Variants in SLC44A3 observed in about 807,000 individuals in gnomAD.
The protein encoded by SLC44A3 is choline transporter-like protein 3.
SLC44A3 carries 74 observed loss-of-function variants against 75.4 expected under a neutral mutation model. The observed-to-expected ratio is 0.98, with a 90% confidence interval of 0.81 to 1.19. The LOEUF (loss-of-function observed/expected upper bound fraction) is 1.19. SLC44A3 is among the 50% of genes most tolerant of loss of function. The probability of loss-of-function intolerance (pLI) is 0.00; values close to 1 mark genes in which losing one functional copy is unlikely to be tolerated. For synonymous variants in SLC44A3, 310 were observed against 296.9 expected, an observed-to-expected ratio of 1.04 and a Z score of -0.45; for missense variants, 700 against 778.6, an observed-to-expected ratio of 0.90 and a Z score of 1.20.
At chr1:94,822,591 G>A (rs1354899879) in intron 2 of SLC44A3, among the ~76,000 whole-genome samples, 2 of 152,242 alleles carry the variant, frequency 1.3e-5, no homozygotes, top group East Asian at 1.9e-4. Context: ...CAAAGGCTTG[G>A]GGGAAGGAGC....
chr1:94,864,940 G>A (rs773721350), intron 11 of SLC44A3, 41 bp downstream of exon 11: 2 of 1,594,696 alleles, frequency 1.3e-6, no homozygotes, highest in Admixed American at 1.7e-5. Context: ...CTGTGTTTGG[G>A]TTGCCAGAAA....
intron 5 of SLC44A3, among the ~76,000 whole-genome samples, chr1:94,835,175 C>G (rs1334823244): frequency 1.3e-5 from 2 of 152,186 alleles, no homozygotes; most frequent in Non-Finnish European, 2.9e-5. Flanking sequence ...ACAGGCCAGG[C>G]ACAGTGGCTC....
intron 2 of SLC44A3, 52 bp downstream of exon 2, chr1:94,821,108 G>C: frequency 7.0e-7 from 1 of 1,422,900 alleles, no homozygotes; most frequent in Admixed American, 2.0e-5. Context: ...TGCACGTCTG[G>C]AAATAACTCT....
At chr1:94,824,354 T>C in intron 2 of SLC44A3, 139 bp from the exon 3 acceptor site, 1 of 951,756 alleles carries the variant, frequency 1.1e-6, no homozygotes, top group Non-Finnish European at 1.5e-6. Context: ...CTGACACTGT[T>C]ACTGACGGAG....
At chr1:94,850,322 T>A (rs1665049910) in intron 9 of SLC44A3, among the ~76,000 whole-genome samples, 1 of 152,180 alleles carries the variant, frequency 6.6e-6, no homozygotes, top group African/African-American at 2.4e-5. Context: ...TAGGAAAAAG[T>A]GAAAACTGTG....
At chr1:94,891,791 C>T (rs984902348) in intron 13 of SLC44A3, among the ~76,000 whole-genome samples, 26 of 152,042 alleles carry the variant, frequency 1.7e-4, no homozygotes, top group Non-Finnish European at 2.9e-4. Context: ...GGTGTGGTGG[C>T]GGGTGCCTGT....
intron 12 of SLC44A3, among the ~76,000 whole-genome samples, chr1:94,876,310 C>G (rs778204294): frequency 6.6e-6 from 1 of 152,212 alleles, no homozygotes; most frequent in Non-Finnish European, 1.5e-5. Flanking sequence ...CATTAAATAG[C>G]TCCTACACCA....
rs201434799 is a variant in SLC44A3, at chr1:94,845,406, C to T, written c.1014C>T (p.Ala338=). The change falls in exon 9 of 15, where the codon GCC becomes GCT. Residue 338 remains alanine, a synonymous_variant. Coordinates refer to ENST00000271227, the MANE Select transcript of SLC44A3 (RefSeq NM_001114106.3). ...TGTTCCAGCCACTGTGGACATTTGC[C>T]ATCCTCATTTTCTTCTGGGTCCTCT... ...FLLFQPLWTF[A]ILIFFWVLWV... 3.1e-6 allele frequency: 5 copies of T among 1,614,060 alleles called. No individual in the cohort carries two copies. In the African/African-American group the frequency reaches 6.7e-5, roughly 22 times the overall value.
chr1:94,841,867 A>C, intron 7 of SLC44A3, 133 bp from the exon 8 acceptor site: 3 of 1,204,790 alleles, frequency 2.5e-6, no homozygotes, highest in East Asian at 2.8e-5. Context: ...GGGTCCGGGT[A>C]TTTGGGACCC....
intron 8 of SLC44A3, among the ~76,000 whole-genome samples, chr1:94,844,359 C>T (rs1428525575): frequency 1.3e-5 from 2 of 152,316 alleles, no homozygotes; most frequent in East Asian, 3.9e-4. Flanking sequence ...TGTGCTTATT[C>T]TTCCAGCACC....
chr1:94,859,339 C>A (rs1666294389), intron 10 of SLC44A3, among the ~76,000 whole-genome samples: 1 of 152,078 alleles, frequency 6.6e-6, no homozygotes, highest in Non-Finnish European at 1.5e-5. Flanking sequence ...TTGAAACAGG[C>A]ACAAACACAC....
At chr1:94,869,170 A>G (rs76663099) in intron 12 of SLC44A3, among the ~76,000 whole-genome samples, 2,933 of 152,350 alleles carry the variant, frequency 0.019, 84 homozygotes, top group African/African-American at 0.068. Context: ...ATCCTGAGAT[A>G]CGTATTTTCC....
At chr1:94,834,130 G>T (rs75859757) in intron 5 of SLC44A3, among the ~76,000 whole-genome samples, 2,966 of 152,230 alleles carry the variant, frequency 0.019, 121 homozygotes, top group African/African-American at 0.068. Context: ...TACTAGAATC[G>T]ATTATAGGGC....
intron 12 of SLC44A3, among the ~76,000 whole-genome samples, chr1:94,880,912 A>G (rs1206456237): frequency 6.6e-6 from 1 of 151,474 alleles, no homozygotes; most frequent in East Asian, 1.9e-4. Context: ...ACAAAAAAAA[A>G]AAAGGCAAAG....
In SLC44A3 at chr1:94,824,530, C is replaced by T. The variant is rs746420514; in HGVS notation, c.173C>T (p.Ala58Val). ...IMGYSVVAGAAGRLLFGYDSF... is the reference protein window; with the variant it reads ...IMGYSVVAGAVGRLLFGYDSF... Reference sequence around the variant, plus strand: ...GGCTACTCGGTGGTGGCTGGAGCCGCGGGAAGACTCCTCTTTGGCTATGAC... The same window carrying T: ...GGCTACTCGGTGGTGGCTGGAGCCGTGGGAAGACTCCTCTTTGGCTATGAC... Residue 58 changes from alanine (A) to valine (V), a missense_variant, in exon 3 of 15, where the codon GCG (alanine) becomes GTG (valine). Transcript: ENST00000271227. 50 of 1,610,464 alleles carry T rather than the reference C, an allele frequency of 3.1e-5. No homozygotes were observed. The Admixed American group carries it at 4.1e-4, about 13-fold the overall frequency.
At position 94,827,612 on chromosome 1, in the gene SLC44A3, G is replaced by A. The variant is rs762789797; in HGVS notation, c.384G>A (p.Leu128=). 6.2e-7 allele frequency: 1 copy of A among 1,614,170 alleles called. No homozygotes were observed. The highest frequency in any genetic ancestry group is 8.5e-7 in the Non-Finnish European group (1 of 1,180,034). ...SNCPEEQLDS[L]EEVQFFANTS... ...GCCCTGAAGAGCAGCTTGACTCCCT[G>A]GAAGAGGTCCAGTTCTTTGCAAACA... Residue 128 remains leucine, a synonymous_variant, in exon 4 of 15, where the codon CTG becomes CTA. Transcript: ENST00000271227.
In SLC44A3 at chr1:94,892,369, T is replaced by G. The variant is rs986268940; in HGVS notation, c.1709T>G (p.Leu570Trp). 5 of 1,614,230 alleles carry G rather than the reference T, an allele frequency of 3.1e-6. No individual in the cohort carries two copies. Among genetic ancestry groups the G allele is most frequent in the Non-Finnish European group, 4.2e-6 (5 of 1,180,044 alleles). The stretch of plus-strand genomic sequence containing the variant: ...CAGGTGTGGGCAGTCCCTCTGTTAT[T>G]GGTAGCTTTTTTTGCCTACTTAGTA... ...AFQVWAVPLLLVAFFAYLVAH... is the reference protein window; with the variant it reads ...AFQVWAVPLLWVAFFAYLVAH... The change falls in exon 14 of 15, where the codon TTG becomes TGG. Residue 570 changes from leucine to tryptophan, a missense_variant. Coordinates refer to ENST00000271227, the MANE Select transcript of SLC44A3 (RefSeq NM_001114106.3).
intron 12 of SLC44A3, among the ~76,000 whole-genome samples, chr1:94,881,720 C>CT (rs1669013083): frequency 1.4e-5 from 2 of 148,086 alleles, no homozygotes; most frequent in African/African-American, 5.0e-5. Flanking sequence ...AAAAAAGAAC[C>CT]AATATTCTGC....
intron 7 of SLC44A3, 28 bp from the exon 8 acceptor site, chr1:94,841,972 T>C: frequency 6.3e-7 from 1 of 1,594,560 alleles, no homozygotes; most frequent in Non-Finnish European, 8.5e-7. Context: ...GCGTGTGCCC[T>C]GAGCTCTGCT....
Sources: gnomAD v4.1 joint callset for allele counts (sites outside exome capture counted in the v4.1 genomes callset) on GRCh38, gnomAD v4.1.1 for gene constraint, MANE v1.5 for transcripts, NCBI Gene and HGNC (gene_info 2026-07-23, HGNC 2026-07-21) for gene names.